Variants in TMEM218 observed in about 807,000 individuals in gnomAD.
The protein encoded by TMEM218 is transmembrane protein 218.
In TMEM218, 8 loss-of-function variants were observed where a neutral mutation model predicts 10.0. That is an observed-to-expected ratio of 0.80 (90% CI 0.47 to 1.44). TMEM218 has a LOEUF of 1.44. Ranked by LOEUF, TMEM218 falls within the 40% of genes most tolerant of loss-of-function variation. The probability of loss-of-function intolerance (pLI) is 0.00; values close to 1 mark genes in which losing one functional copy is unlikely to be tolerated. For synonymous variants in TMEM218, 66 were observed against 63.5 expected (o/e 1.04, Z -0.18); for missense variants, 110 against 140.1 (o/e 0.79, Z 1.08).
intron 1 of TMEM218, among the ~76,000 whole-genome samples, chr11:125,107,760 T>C (rs1952569716): frequency 6.7e-6 from 1 of 150,158 alleles, no homozygotes; most frequent in Non-Finnish European, 1.5e-5. Flanking sequence ...TTTCTGAATA[T>C]ATTTTAAACT....
chr11:125,098,097 C>T (rs147788916), intron 4 of TMEM218, among the ~76,000 whole-genome samples: 2 of 152,232 alleles, frequency 1.3e-5, no homozygotes, highest in East Asian at 1.9e-4. Context: ...TGCTAAAATA[C>T]ATTTTATTAC....
In TMEM218 at chr11:125,108,717, T is replaced by C. The variant is rs1952890632; in HGVS notation, c.-153+2822A>G. ...AGAGTTGCATTCCTGGAAATTTTAC[T>C]ATATTAAACTGTGCCAAAAAATACA... On this transcript the variant is annotated intron_variant, in intron 1 of 4. Transcript: ENST00000682305. This position sits in a 1 kb window ranked among gnomAD's most constrained non-coding sequence, Gnocchi z 5.3. Among the ~76,000 whole-genome samples, 1 of 152,224 alleles carries C rather than the reference T, an allele frequency of 6.6e-6. No homozygotes were observed. Among genetic ancestry groups the C allele is most frequent in the Non-Finnish European group, 1.5e-5 (1 of 68,020 alleles).
At chr11:125,101,435 G>A in intron 3 of TMEM218, 132 bp from the exon 4 acceptor site, 1 of 1,529,582 alleles carries the variant, frequency 6.5e-7, no homozygotes, top group Non-Finnish European at 8.8e-7. Context: ...GAGGCCTGCT[G>A]TCAACAACCT....
rs1180968372 is a variant in TMEM218, at chr11:125,095,804, C to A, written c.*1802G>T. ...AACCTCATAGTTATTATCCATTGAT[C>A]TAATAGTTGAATAACTTTTGGGGGG... On this transcript the variant is annotated 3_prime_UTR_variant, in exon 5 of 5. Transcript: ENST00000682305. Among the ~76,000 whole-genome samples the A allele has an allele frequency of 1.3e-5, 2 of 152,168 alleles. No individual in the cohort carries two copies. The highest frequency in any genetic ancestry group is 4.8e-5 in the African/African-American group (2 of 41,436).
chr11:125,098,934 AG>A (rs1028328933), intron 4 of TMEM218, among the ~76,000 whole-genome samples: 2 of 152,338 alleles, frequency 1.3e-5, no homozygotes, highest in African/African-American at 4.8e-5. Flanking sequence ...GAAGCTGGAA[AG>A]GATAAGGAAA....
At chr11:125,103,329 C>T (rs986836144) in intron 1 of TMEM218, 2 of 152,654 alleles carry the variant, frequency 1.3e-5, no homozygotes, top group African/African-American at 4.8e-5. Flanking sequence ...GGAACAGTTT[C>T]ATCCGGAAAC....
chr11:125,101,536 G>C, intron 3 of TMEM218: 12 of 1,484,188 alleles, frequency 8.1e-6, no homozygotes, highest in Non-Finnish European at 9.8e-6. Flanking sequence ...GAATGGAAAT[G>C]TGTAGTTTTT....
intron 4 of TMEM218, among the ~76,000 whole-genome samples, chr11:125,099,921 CAAAAAA>C (rs34211632): frequency 1.0e-5 from 1 of 100,402 alleles, no homozygotes; most frequent in Non-Finnish European, 1.9e-5. Context: ...GAGACTGTCT[CAAAAAA>C]AAAAAAAAAA....
intron 4 of TMEM218, among the ~76,000 whole-genome samples, 163 bp downstream of exon 4, chr11:125,101,038 G>A (rs1475771767): frequency 6.6e-6 from 1 of 152,162 alleles, no homozygotes; most frequent in Non-Finnish European, 1.5e-5. Context: ...AGGGGCAGGG[G>A]AACTTAAAAC....
intron 3 of TMEM218, chr11:125,101,875 C>G: frequency 1.9e-6 from 1 of 521,418 alleles, no homozygotes; most frequent in South Asian, 3.4e-5. Flanking sequence ...CATACAGCCT[C>G]AAGAAACTCA....
rs929276045 is a variant in TMEM218, at chr11:125,095,897, C to G, written c.*1709G>C. ...TCCCAGAGTTACTTTTTTAGCAAGG[C>G]TCTCAGAAGAAGGTAACAATTGGCA... On this transcript the variant is annotated 3_prime_UTR_variant, in exon 5 of 5. Coordinates refer to ENST00000682305, the MANE Select transcript of TMEM218 (RefSeq NM_001258244.2). Among the ~76,000 whole-genome samples, 5 of 152,122 alleles carry G rather than the reference C, an allele frequency of 3.3e-5. No homozygotes were observed. Among genetic ancestry groups the G allele is most frequent in the Non-Finnish European group, 7.3e-5 (5 of 68,034 alleles).
Position 125,097,187 on chromosome 11 carries a change from C to A in TMEM218, c.*419G>T, listed in dbSNP as rs61910972. ...TAAAATAACCTTTCAAATTTGAGTG[C>A]CTCTCCTTTGCAAACAACTGCAACC... On this transcript the variant is annotated 3_prime_UTR_variant, in exon 5 of 5. Coordinates refer to ENST00000682305, the MANE Select transcript of TMEM218 (RefSeq NM_001258244.2). 2,369 of 153,176 alleles carry A rather than the reference C, an allele frequency of 0.015. 23 individuals are homozygous for A. Among genetic ancestry groups the A allele is most frequent in the Middle Eastern group, 0.037 (11 of 296 alleles). 9.5% of individuals were successfully genotyped at this position (153,176 alleles called of 1,614,324 possible).
intron 1 of TMEM218, among the ~76,000 whole-genome samples, chr11:125,105,966 T>C (rs1229488815): frequency 6.6e-6 from 1 of 152,088 alleles, no homozygotes; most frequent in Non-Finnish European, 1.5e-5. Context: ...TTTTTAAAAA[T>C]AGCTGTGTAC....
At chr11:125,103,211 C>A in intron 1 of TMEM218, 1 of 153,592 alleles carries the variant, frequency 6.5e-6, no homozygotes, top group Non-Finnish European at 1.5e-5. Context: ...CTATCAGTGG[C>A]AGCGGCATTA....
rs145771835 is a variant in TMEM218, at chr11:125,096,239, CTCT to C, written c.*1364_*1366del. On this transcript the variant is annotated 3_prime_UTR_variant, in exon 5 of 5. Coordinates refer to ENST00000682305, the MANE Select transcript of TMEM218 (RefSeq NM_001258244.2). ...ATGACTCTCAGTGGTTACCTGTTCT[CTCT>C]TCTTGGAATTTAGAGCTTAGTTGCC... Among the ~76,000 whole-genome samples, 146 of 152,306 alleles carry C rather than the reference CTCT, an allele frequency of 9.6e-4. No individual in the cohort carries two copies. The highest frequency in any genetic ancestry group is 1.6e-3 in the Non-Finnish European group (109 of 68,030).
chr11:125,099,242 G>A (rs892776024), intron 4 of TMEM218, among the ~76,000 whole-genome samples: 1 of 152,200 alleles, frequency 6.6e-6, no homozygotes, highest in Non-Finnish European at 1.5e-5. Context: ...TGATAAAACA[G>A]CTTTAACATA....
Position 125,097,508 on chromosome 11 carries a change from A to T in TMEM218, c.*98T>A. The T allele has an allele frequency of 7.3e-7, 1 of 1,367,814 alleles. No homozygotes were observed. Among genetic ancestry groups the T allele is most frequent in the Non-Finnish European group, 1.0e-6 (1 of 991,460 alleles). 84.7% of individuals were successfully genotyped at this position (1,367,814 alleles called of 1,614,324 possible). A position where few individuals can be genotyped will look rare whatever the true frequency, so the allele number is the denominator to read the frequency against. On this transcript the variant is annotated 3_prime_UTR_variant, in exon 5 of 5. Coordinates refer to ENST00000682305, the MANE Select transcript of TMEM218 (RefSeq NM_001258244.2). The stretch of plus-strand genomic sequence containing the variant: ...ACAGATACTCCTCTAACCTTAAGGC[A>T]TGAGGGCTGTCAAAACAAGGCTCTG...
At position 125,095,862 on chromosome 11, in the gene TMEM218, A is replaced by T. The variant is rs73615727; in HGVS notation, c.*1744T>A. Among the ~76,000 whole-genome samples, 1 of 152,090 alleles carries T rather than the reference A, an allele frequency of 6.6e-6. No individual in the cohort carries two copies. The highest frequency in any genetic ancestry group is 2.1e-4 in the South Asian group (1 of 4,830). On this transcript the variant is annotated 3_prime_UTR_variant, in exon 5 of 5. Coordinates refer to ENST00000682305, the MANE Select transcript of TMEM218 (RefSeq NM_001258244.2). ...AAGATGGATTCATGGTCAGGAACCT[A>T]TAAGAGTTTTCCCAGAGTTACTTTT...
At chr11:125,110,429 TGA>T (rs1220080182) in intron 1 of TMEM218, 2 of 152,364 alleles carry the variant, frequency 1.3e-5, no homozygotes, top group Non-Finnish European at 2.9e-5. Context: ...GGTTTTTCTC[TGA>T]GAGAGTTTGT....
Sources: gnomAD v4.1 joint callset for allele counts (sites outside exome capture counted in the v4.1 genomes callset) on GRCh38, gnomAD v4.1.1 for gene constraint, Gnocchi (gnomAD v3.1) non-coding constraint, MANE v1.5 for transcripts, NCBI Gene and HGNC (gene_info 2026-07-23, HGNC 2026-07-21) for gene names.